Variants in PDE7B observed in about 807,000 individuals in gnomAD.
PDE7B encodes the protein 3',5'-cyclic-AMP phosphodiesterase 7B.
In PDE7B, 29 loss-of-function variants were observed where a neutral mutation model predicts 56.2. The observed-to-expected ratio is 0.52, with a 90% CI of 0.38 to 0.70. The LOEUF (loss-of-function observed/expected upper bound fraction) is 0.70, where lower values mean the gene tolerates loss of function less well. PDE7B is among the 30% of genes least tolerant of loss of function. The pLI is 0.00. For missense variants in PDE7B, 490 were observed against 565.0 expected (o/e 0.87, Z 1.35); for synonymous variants, 197 against 196.9 (o/e 1.00, Z 0.00).
At chr6:136,173,913 A>G in intron 9 of PDE7B, 25 bp downstream of exon 9, 3 of 1,504,440 alleles carry the variant, frequency 2.0e-6, no homozygotes, top group Non-Finnish European at 2.8e-6. Flanking sequence ...GATGAAACAT[A>G]CTGATGTGCA....
chr6:135,961,281 ATGTGTGTGTG>A (rs771473679), intron 2 of PDE7B, among the ~76,000 whole-genome samples: 1 of 89,416 alleles, frequency 1.1e-5, no homozygotes, highest in Non-Finnish European at 2.8e-5. Context: ...GTGTGTGTGT[ATGTGTGTGTG>A]TGTGTGTGTG....
chr6:136,178,145 A>G (rs768040085), intron 9 of PDE7B, among the ~76,000 whole-genome samples: 2 of 152,218 alleles, frequency 1.3e-5, no homozygotes, highest in Non-Finnish European at 2.9e-5. Flanking sequence ...AGAGCAAGAA[A>G]GTGGTTACTT....
intron 2 of PDE7B, chr6:136,064,445 A>G (rs1020418665): frequency 6.6e-5 from 10 of 152,172 alleles, no homozygotes; most frequent in Non-Finnish European, 1.5e-4. Context: ...CAAAAGAAGG[A>G]ATCCGTAGGA....
chr6:136,011,503 G>T (rs1322969638), intron 2 of PDE7B, among the ~76,000 whole-genome samples: 1 of 152,078 alleles, frequency 6.6e-6, no homozygotes, highest in Non-Finnish European at 1.5e-5. Flanking sequence ...GGTTACTTGG[G>T]CTGCCTGGCC....
chr6:135,881,977 T>A (rs1775619794), intron 1 of PDE7B, among the ~76,000 whole-genome samples: 1 of 152,232 alleles, frequency 6.6e-6, no homozygotes, highest in South Asian at 2.1e-4. Flanking sequence ...ATTTGTAGAC[T>A]GGGTTGAGGT....
At chr6:136,098,240 G>A (rs1423415463) in intron 2 of PDE7B, among the ~76,000 whole-genome samples, 2 of 150,188 alleles carry the variant, frequency 1.3e-5, no homozygotes, top group East Asian at 2.0e-4. Context: ...AAAGGAAGAA[G>A]AGAGAGTAGA....
chr6:135,932,445 A>C (rs1034460639), intron 1 of PDE7B, among the ~76,000 whole-genome samples: 21 of 146,828 alleles, frequency 1.4e-4, no homozygotes, highest in Non-Finnish European at 2.3e-4. Context: ...CTATTTACCC[A>C]CACAAATTAA....
chr6:135,992,722 AT>A (rs909017327), intron 2 of PDE7B, among the ~76,000 whole-genome samples: 19 of 152,212 alleles, frequency 1.2e-4, no homozygotes, highest in African/African-American at 4.6e-4. Flanking sequence ...CTACATGTCC[AT>A]TTATGTTTCA....
chr6:135,929,129 A>G (rs1251715502), intron 1 of PDE7B, among the ~76,000 whole-genome samples: 1 of 152,204 alleles, frequency 6.6e-6, no homozygotes, highest in Admixed American at 6.5e-5. Context: ...GTGGTAAATA[A>G]CGGTGAAAGA....
intron 3 of PDE7B, among the ~76,000 whole-genome samples, chr6:136,131,749 C>G (rs1778122230): frequency 6.6e-6 from 1 of 152,036 alleles, no homozygotes; most frequent in African/African-American, 2.4e-5. Flanking sequence ...TTCCTTAATA[C>G]TTCATTTGTA....
chr6:136,191,722 A>G lies in PDE7B; in HGVS notation c.1235A>G (p.Gln412Arg). The G allele has an allele frequency of 6.2e-7, 1 of 1,611,594 alleles. No individual in the cohort carries two copies. The highest frequency in any genetic ancestry group is 1.1e-5 in the South Asian group (1 of 90,552). ...GGCCACCTCGCACACAACAAGGCCCAGTGGAAGAGCCTGTTGCCCAGGCAG... is the reference window on the plus strand; with the variant it reads ...GGCCACCTCGCACACAACAAGGCCCGGTGGAAGAGCCTGTTGCCCAGGCAG... ...MLGHLAHNKAQWKSLLPRQHR... is the reference protein window; with the variant it reads ...MLGHLAHNKARWKSLLPRQHR... The change falls in exon 13 of 13, where the codon CAG becomes CGG. Residue 412 changes from glutamine (Q) to arginine (R), a missense_variant. Physicochemically the swap from Gln to Arg is conservative, Grantham distance 43. Transcript: ENST00000308191.
At chr6:135,891,651 A>G (rs117727184) in intron 1 of PDE7B, among the ~76,000 whole-genome samples, 1,563 of 152,286 alleles carry the variant, frequency 0.01, 14 homozygotes, top group Middle Eastern at 0.02. Flanking sequence ...ACTGCCAGCC[A>G]TTTTCATTCA....
chr6:136,132,894 A>T (rs779080345), intron 3 of PDE7B, among the ~76,000 whole-genome samples: 1 of 152,192 alleles, frequency 6.6e-6, no homozygotes. Flanking sequence ...GAATACAGAC[A>T]TGATTAGTCC....
At chr6:136,161,058 C>T (rs1778694948) in intron 8 of PDE7B, among the ~76,000 whole-genome samples, 1 of 152,100 alleles carries the variant, frequency 6.6e-6, no homozygotes, top group Non-Finnish European at 1.5e-5. Context: ...TTCCTTCTGC[C>T]TATTTGAATA....
At chr6:135,901,869 T>A (rs75358787) in intron 1 of PDE7B, among the ~76,000 whole-genome samples, 3,290 of 152,222 alleles carry the variant, frequency 0.022, 126 homozygotes, top group African/African-American at 0.075. Flanking sequence ...CACATCCCGT[T>A]GTCCTGAGCT....
At chr6:135,915,070 G>A (rs1211042840) in intron 1 of PDE7B, among the ~76,000 whole-genome samples, 1 of 150,370 alleles carries the variant, frequency 6.7e-6, no homozygotes, top group Non-Finnish European at 1.5e-5. Context: ...TCCAGCCTGG[G>A]CTACAGAGCG....
At chr6:135,977,541 C>G (rs917172601) in intron 2 of PDE7B, among the ~76,000 whole-genome samples, 6 of 152,088 alleles carry the variant, frequency 3.9e-5, no homozygotes, top group African/African-American at 1.4e-4. Flanking sequence ...AGAGAAAGTA[C>G]AAGTGGAGTA....
rs112534334 is a variant in PDE7B, at chr6:135,870,528, C to T, written c.21+18509C>T. On this transcript the variant is annotated intron_variant, in intron 1 of 12. Coordinates refer to ENST00000308191, the MANE Select transcript of PDE7B (RefSeq NM_018945.4). ...AGGTGATATGTACTTGTGAAATGTA[C>T]ATTTCACAAGTACATATCACCTAAA... Among the ~76,000 whole-genome samples the T allele has an allele frequency of 9.4e-3, 1,418 of 150,338 alleles. 8 individuals carry two copies. The highest frequency in any genetic ancestry group is 0.016 in the Non-Finnish European group (1,066 of 67,548).
chr6:135,922,524 A>G (rs1374100198), intron 1 of PDE7B, among the ~76,000 whole-genome samples: 1 of 152,142 alleles, frequency 6.6e-6, no homozygotes, highest in African/African-American at 2.4e-5. Flanking sequence ...TATACAGATG[A>G]TCCAGAGTTG....
Sources: allele counts gnomAD v4.1 joint callset (sites outside exome capture counted in the v4.1 genomes callset), GRCh38; gene constraint gnomAD v4.1.1; transcripts MANE v1.5; gene names NCBI Gene and HGNC (gene_info 2026-07-23, HGNC 2026-07-21).